ZNF385C: variants seen among roughly 807,000 people sequenced by gnomAD.
ZNF385C encodes the protein zinc finger protein 385C.
In ZNF385C, 28 loss-of-function variants were observed where a neutral mutation model predicts 35.4. That is an observed-to-expected ratio of 0.79 (90% CI 0.59 to 1.08). ZNF385C has a LOEUF of 1.08. Among genes scored for constraint, ZNF385C ranks in the 50% least tolerant of loss-of-function variants. The pLI, the probability that ZNF385C is intolerant of heterozygous loss-of-function variation, is 0.00. For synonymous variants in ZNF385C, 248 were observed against 248.2 expected (o/e 1.00, Z 0.01); for missense variants, 605 against 595.6 (o/e 1.02, Z -0.16).
At chr17:42,037,934 C>T (rs868923002) in intron 2 of ZNF385C, 49 bp from the exon 3 acceptor site, 5 of 1,546,602 alleles carry the variant, frequency 3.2e-6, no homozygotes, top group Middle Eastern at 1.7e-4. Context: ...GTCCTACCCC[C>T]GTGGCCAGAA....
intron 1 of ZNF385C, among the ~76,000 whole-genome samples, chr17:42,070,607 A>G (rs1394017099): frequency 1.3e-5 from 2 of 152,166 alleles, no homozygotes; most frequent in Admixed American, 1.3e-4. Context: ...ACATGAGGCA[A>G]CTGAGGCTCA....
chr17:42,043,399 C>T (rs1567987530), intron 2 of ZNF385C: 8 of 1,231,910 alleles, frequency 6.5e-6, no homozygotes, highest in Non-Finnish European at 8.1e-6. Flanking sequence ...AGCAAGGAAC[C>T]CCCAACCCCC....
chr17:42,037,929 AC>A lies in ZNF385C; in HGVS notation c.251-45del, dbSNP rs782654337. On this transcript the variant is annotated intron_variant, in intron 2 of 8. Coordinates refer to ENST00000692273, the MANE Select transcript of ZNF385C (RefSeq NM_001392013.1). ...CAGGGTCTGAAATGGGCTCTGTCCT[AC>A]CCCCGTGGCCAGAACAAGAGGCGGG... is the stretch of plus-strand genomic sequence containing the variant. 7 of 1,546,318 alleles carry A rather than the reference AC, an allele frequency of 4.5e-6. No individual in the cohort carries two copies. The African/African-American group carries it at 6.9e-5, about 15-fold the overall frequency.
At chr17:42,038,425 G>A in intron 2 of ZNF385C, 1 of 222,508 alleles carries the variant, frequency 4.5e-6, no homozygotes. Flanking sequence ...GCTCTGATGA[G>A]GCCTAAACTG....
chr17:42,048,097 C>A (rs73309779), intron 2 of ZNF385C, among the ~76,000 whole-genome samples: 7 of 152,132 alleles, frequency 4.6e-5, no homozygotes, highest in Admixed American at 1.3e-4. Flanking sequence ...CTCCTCCCCC[C>A]CTTCCCAACT....
Position 42,026,583 on chromosome 17 carries a change from G to A in ZNF385C, c.*314C>T. ...GTAGAAGCTAAGATTCCTAGAGTCT[G>A]GCCATGTGGGTCTTGGGTGGAGGAA... On this transcript the variant is annotated 3_prime_UTR_variant, in exon 9 of 9. Transcript: ENST00000692273. 1 of 419,252 alleles carries A rather than the reference G, an allele frequency of 2.4e-6. No individual in the cohort carries two copies. Among genetic ancestry groups the A allele is most frequent in the Non-Finnish European group, 4.4e-6 (1 of 227,958 alleles). The allele number at this position is 419,252 out of a possible 1,614,324, so 26.0% of individuals were successfully genotyped here. A position where few individuals can be genotyped will look rare whatever the true frequency, so the allele number is the denominator to read the frequency against.
intron 8 of ZNF385C, 89 bp from the exon 9 acceptor site, chr17:42,027,222 G>A: frequency 8.3e-7 from 1 of 1,207,298 alleles, no homozygotes; most frequent in Non-Finnish European, 1.2e-6. Flanking sequence ...TTTTGCTGCA[G>A]GGAAAGCGTG....
rs572381654 is a variant in ZNF385C, at chr17:42,066,337, C to A, written c.-2-3279G>T. On this transcript the variant is annotated intron_variant, in intron 1 of 8. Transcript: ENST00000692273. ...CCTCCCAAAGTGCTGGGATTACAAG[C>A]GTGAGCCACTGGTGCCCGGCCAATC... is the stretch of plus-strand genomic sequence containing the variant. Among the ~76,000 whole-genome samples, 7 of 152,272 alleles carry A rather than the reference C, an allele frequency of 4.6e-5. No homozygotes were observed. The South Asian group carries it at 1.2e-3, about 27-fold the overall frequency.
At chr17:42,027,961 C>G in intron 7 of ZNF385C, 89 bp downstream of exon 7, 1 of 1,502,832 alleles carries the variant, frequency 6.7e-7, no homozygotes. Context: ...TGTGCCCTGC[C>G]TGCTCTCTTC....
Position 42,027,661 on chromosome 17 carries a change from C to A in ZNF385C, c.1232G>T (p.Ser411Ile), listed in dbSNP as rs2052622216. 6.2e-7 allele frequency: 1 copy of A among 1,602,482 alleles called. No homozygotes were observed. Among genetic ancestry groups the A allele is most frequent in the Admixed American group, 1.7e-5 (1 of 57,994 alleles). Residue 411 changes from serine to isoleucine, a missense_variant, in exon 8 of 9, where the codon AGC becomes ATC. Coordinates refer to ENST00000692273, the MANE Select transcript of ZNF385C (RefSeq NM_001392013.1). ...CAGCGCTGCGTGCTTCTGCAGCTTG[C>A]TGTGCTGGCTGGAGGGCTTGGGGGT... ...GKTPKPSSQH[S>I]KLQKHAALAV...
chr17:42,037,731 C>T lies in ZNF385C; in HGVS notation c.399+6G>A, dbSNP rs1555655616. The T allele has an allele frequency of 6.6e-7, 1 of 1,526,246 alleles. No individual in the cohort carries two copies. Among genetic ancestry groups the T allele is most frequent in the Admixed American group, 2.1e-5 (1 of 47,388 alleles). The allele number at this position is 1,526,246 out of a possible 1,614,324, so 94.5% of individuals were successfully genotyped here. On this transcript the variant is annotated splice_donor_region_variant and intron_variant, in intron 3 of 8. Transcript: ENST00000692273. ...GCATGCCCCCACCCGCCAGCCCAGC[C>T]CATACCGTGCTGAAGTTGGGGAAGA...
chr17:42,057,496 G>A (rs1455008177), intron 2 of ZNF385C, among the ~76,000 whole-genome samples: 2 of 115,200 alleles, frequency 1.7e-5, no homozygotes, highest in African/African-American at 6.9e-5. Flanking sequence ...ATTTAGGGGT[G>A]TGCGCGCGCG....
chr17:42,025,885 C>T lies in ZNF385C; in HGVS notation c.*1012G>A, dbSNP rs1395677633. 1.3e-5 allele frequency: 2 copies of T among 152,116 alleles called. No individual in the cohort carries two copies. The highest frequency in any genetic ancestry group is 4.8e-5 in the African/African-American group (2 of 41,388). 9.4% of individuals were successfully genotyped at this position (152,116 alleles called of 1,614,324 possible). On this transcript the variant is annotated 3_prime_UTR_variant, in exon 9 of 9. Transcript: ENST00000692273. ...AGGGGCTGGTTGGGAGAAGGGAAAG[C>T]TGAATTTAGTGCTAGGACCAGTTTG...
At chr17:42,094,648 A>G (rs1254673254) in intron 1 of ZNF385C, among the ~76,000 whole-genome samples, 1 of 152,146 alleles carries the variant, frequency 6.6e-6, no homozygotes, top group Non-Finnish European at 1.5e-5. Context: ...GGCCAGACAC[A>G]CTCACAGGCC....
intron 2 of ZNF385C, among the ~76,000 whole-genome samples, chr17:42,055,845 G>T (rs2053367374): frequency 6.6e-6 from 1 of 152,132 alleles, no homozygotes; most frequent in Non-Finnish European, 1.5e-5. Flanking sequence ...GAAAGGGGAT[G>T]GAGGGACCGA....
intron 2 of ZNF385C, chr17:42,040,003 C>T: frequency 8.1e-7 from 1 of 1,231,016 alleles, no homozygotes; most frequent in Non-Finnish European, 1.0e-6. Context: ...GCACAGGGCC[C>T]GCGGGCCGAG....
At chr17:42,052,354 G>A (rs2053298810) in intron 2 of ZNF385C, among the ~76,000 whole-genome samples, 1 of 151,908 alleles carries the variant, frequency 6.6e-6, no homozygotes. Context: ...ACACACACAC[G>A]AGCACAGAGA....
At position 42,050,074 on chromosome 17, in the gene ZNF385C, T is replaced by A. The variant is rs2053249256; in HGVS notation, c.251-12189A>T. Reference sequence around the variant, plus strand: ...TGAGGTGTAAACAAAACTCCATGGGTCCAGTTGTGACCAAGGCTGACCAGG... The same window carrying A: ...TGAGGTGTAAACAAAACTCCATGGGACCAGTTGTGACCAAGGCTGACCAGG... On this transcript the variant is annotated intron_variant, in intron 2 of 8. Coordinates refer to ENST00000692273, the MANE Select transcript of ZNF385C (RefSeq NM_001392013.1). This position sits in a 1 kb window ranked among gnomAD's most constrained non-coding sequence, Gnocchi z 5.6. 6.6e-6 allele frequency among the ~76,000 whole-genome samples: 1 copy of A among 152,026 alleles called. No homozygotes were observed. Among genetic ancestry groups the A allele is most frequent in the Non-Finnish European group, 1.5e-5 (1 of 67,996 alleles).
In ZNF385C at chr17:42,043,019, C is replaced by CA; in HGVS notation, c.251-5135_251-5134insT. 5 of 1,232,362 alleles carry CA rather than the reference C, an allele frequency of 4.1e-6. No homozygotes were observed. In the South Asian group the frequency reaches 2.1e-4, roughly 51 times the overall value. The allele number at this position is 1,232,362 out of a possible 1,614,324, so 76.3% of individuals were successfully genotyped here. A position where few individuals can be genotyped will look rare whatever the true frequency, so the allele number is the denominator to read the frequency against. The stretch of plus-strand genomic sequence containing the variant: ...TTGGCCGGGTCTAACTCCACCTTGA[C>CA]GCCCCTGGAGGCAGGGGTCGTAGCC... On this transcript the variant is annotated intron_variant, in intron 2 of 8. Transcript: ENST00000692273.
Sources: gnomAD v4.1 joint callset for allele counts (sites outside exome capture counted in the v4.1 genomes callset) on GRCh38, gnomAD v4.1.1 for gene constraint, Gnocchi (gnomAD v3.1) non-coding constraint, MANE v1.5 for transcripts, NCBI Gene and HGNC (gene_info 2026-07-23, HGNC 2026-07-21) for gene names.